Variants in FRYL observed in about 807,000 individuals in gnomAD.
The protein encoded by FRYL is protein furry homolog-like.
FRYL carries 150 observed loss-of-function variants against 351.2 expected under a neutral mutation model. The ratio of observed to expected loss-of-function variants is 0.43; its 90% confidence interval spans 0.37 to 0.49. The LOEUF is 0.49. Ranked by LOEUF, FRYL falls within the 20% of genes least tolerant of loss-of-function variation. The pLI, the probability that FRYL is intolerant of heterozygous loss-of-function variation, is 0.00. For synonymous variants in FRYL, 1,153 were observed against 1,257.1 expected (o/e 0.92, Z 1.75); for missense variants, 3,036 against 3,619.3 (o/e 0.84, Z 4.13).
intron 1 of FRYL, among the ~76,000 whole-genome samples, chr4:48,728,519 C>T (rs1276510848): frequency 6.6e-6 from 1 of 151,500 alleles, no homozygotes; most frequent in East Asian, 1.9e-4. Flanking sequence ...AACCAGATAC[C>T]CAGGAAGTTA....
intron 1 of FRYL, among the ~76,000 whole-genome samples, chr4:48,716,891 G>C (rs1391882756): frequency 6.6e-6 from 1 of 151,112 alleles, no homozygotes; most frequent in Non-Finnish European, 1.5e-5. Context: ...AACAATGATA[G>C]ACTGGATTAA....
intron 8 of FRYL, 88 bp from the exon 9 acceptor site, chr4:48,609,155 G>C (rs979138758): frequency 1.3e-6 from 1 of 765,062 alleles, no homozygotes; most frequent in African/African-American, 1.8e-5. Flanking sequence ...CCTTATCAGA[G>C]TATTGTATAA....
intron 1 of FRYL, among the ~76,000 whole-genome samples, chr4:48,759,095 G>C (rs1294472735): frequency 2.6e-5 from 4 of 152,154 alleles, no homozygotes; most frequent in African/African-American, 7.2e-5. Flanking sequence ...GTTGGGGGAA[G>C]GGGGGAGAAT....
intron 2 of FRYL, among the ~76,000 whole-genome samples, chr4:48,708,056 G>A (rs557789165): frequency 2.6e-4 from 40 of 151,900 alleles, no homozygotes; most frequent in Middle Eastern, 3.4e-3. Flanking sequence ...TTCTGACCTC[G>A]TGATCAGCCT....
chr4:48,563,083 C>T, intron 31 of FRYL, 95 bp from the exon 32 acceptor site: 1 of 765,544 alleles, frequency 1.3e-6, no homozygotes, highest in Non-Finnish European at 2.2e-6. Context: ...GGCTTATAGG[C>T]ATCTATCTTC....
intron 7 of FRYL, chr4:48,617,665 C>T (rs1749805475): frequency 1.3e-5 from 2 of 151,448 alleles, no homozygotes; most frequent in South Asian, 2.1e-4. Context: ...ACAAAGGCAA[C>T]AAGGAGGGGA....
intron 3 of FRYL, chr4:48,636,708 T>G (rs1640494431): frequency 6.6e-6 from 1 of 152,070 alleles, no homozygotes; most frequent in Non-Finnish European, 1.5e-5. Context: ...AAAAATATTT[T>G]GTTTGATAAC....
intron 1 of FRYL, among the ~76,000 whole-genome samples, chr4:48,716,828 T>C (rs2149602218): frequency 6.6e-6 from 1 of 151,532 alleles, no homozygotes; most frequent in East Asian, 1.9e-4. Flanking sequence ...CACATGTATG[T>C]TTATTGTGGC....
At chr4:48,563,131 G>A in intron 31 of FRYL, 143 bp from the exon 32 acceptor site, 1 of 562,388 alleles carries the variant, frequency 1.8e-6, no homozygotes, top group South Asian at 2.6e-5. Context: ...CAAGGCAATA[G>A]GTACAACAAC....
chr4:48,609,832 T>A lies in FRYL; in HGVS notation c.412-9A>T. 3.4e-6 allele frequency: 5 copies of A among 1,486,618 alleles called. No homozygotes were observed. In the South Asian group the frequency reaches 6.4e-5, roughly 19 times the overall value. 92.1% of individuals were successfully genotyped at this position (1,486,618 alleles called of 1,614,324 possible). On this transcript the variant is annotated splice_polypyrimidine_tract_variant and intron_variant, in intron 7 of 63. Transcript: ENST00000358350. ...ACAGGATGAACAGGAATCTAGAATT[T>A]AAAAAAATTATCAAGTAAGAGTTAA...
chr4:48,766,447 C>T (rs1774959436), intron 1 of FRYL, among the ~76,000 whole-genome samples: 1 of 152,158 alleles, frequency 6.6e-6, no homozygotes, highest in Admixed American at 6.5e-5. Flanking sequence ...GCAGAATGGG[C>T]CAGCCTGATG....
chr4:48,736,185 C>T (rs939162878), intron 1 of FRYL, among the ~76,000 whole-genome samples: 3 of 151,770 alleles, frequency 2.0e-5, no homozygotes, highest in Non-Finnish European at 4.4e-5. Context: ...AATGAAAATA[C>T]AACATCAAAA....
In FRYL at chr4:48,540,584, C is replaced by A; in HGVS notation, c.6064G>T (p.Ala2022Ser). ...ESDYEYEYLL[A>S]LRLLNKLLIH... ...AGCAGTTTGTTGAGAAGCCTGAGAG[C>A]CAGGAGGTATTCATATTCATAATCT... The change falls in exon 46 of 64, where the codon GCT becomes TCT. Residue 2022 changes from alanine (A) to serine (S), a missense_variant. Coordinates refer to ENST00000358350, the MANE Select transcript of FRYL (RefSeq NM_015030.2). The A allele has an allele frequency of 3.7e-6, 6 of 1,613,948 alleles. No homozygotes were observed. The highest frequency in any genetic ancestry group is 5.1e-6 in the Non-Finnish European group (6 of 1,179,940).
chr4:48,699,306 C>A (rs1018764767), intron 2 of FRYL, among the ~76,000 whole-genome samples: 4 of 152,102 alleles, frequency 2.6e-5, no homozygotes, highest in Non-Finnish European at 4.4e-5. Flanking sequence ...GATAACTAAA[C>A]ATAATTAACA....
chr4:48,524,871 T>C (rs1362543770), intron 53 of FRYL, among the ~76,000 whole-genome samples: 1 of 152,100 alleles, frequency 6.6e-6, no homozygotes, highest in African/African-American at 2.4e-5. Context: ...TTTAGAAATT[T>C]AAATTCTGGA....
chr4:48,544,811 C>A lies in FRYL; in HGVS notation c.5373G>T (p.Val1791=). 1 of 1,600,634 alleles carries A rather than the reference C, an allele frequency of 6.2e-7. No individual in the cohort carries two copies. The highest frequency in any genetic ancestry group is 8.5e-7 in the Non-Finnish European group (1 of 1,174,756). Residue 1791 remains valine (V), a synonymous_variant, in exon 43 of 64, where the codon GTG becomes GTT. Transcript: ENST00000358350. ...AGCTTGACTGCTTAAAAACAGAAACCACATGTTTCAAAAATGTAGTTAACT... is the reference window on the plus strand; with the variant it reads ...AGCTTGACTGCTTAAAAACAGAAACAACATGTTTCAAAAATGTAGTTAACT... ...AEQLTTFLKH[V]VSVFKQSSSE...
chr4:48,602,426 A>G (rs1419689467), intron 12 of FRYL, among the ~76,000 whole-genome samples: 1 of 152,202 alleles, frequency 6.6e-6, no homozygotes, highest in Non-Finnish European at 1.5e-5. Flanking sequence ...ATCAGATGAC[A>G]GATGGCATTA....
At chr4:48,643,790 G>C (rs1755802860) in intron 3 of FRYL, among the ~76,000 whole-genome samples, 2 of 151,958 alleles carry the variant, frequency 1.3e-5, no homozygotes, top group Admixed American at 6.6e-5. Context: ...GAAAAGCATA[G>C]GACTTCATAC....
intron 35 of FRYL, among the ~76,000 whole-genome samples, chr4:48,555,611 G>A (rs1733905924): frequency 6.6e-6 from 1 of 152,200 alleles, no homozygotes; most frequent in Admixed American, 6.5e-5. Context: ...GCCCCGAGGA[G>A]GGAATGCCTG....
Sources: gnomAD v4.1 joint callset for allele counts (sites outside exome capture counted in the v4.1 genomes callset) on GRCh38, gnomAD v4.1.1 for gene constraint, MANE v1.5 for transcripts, NCBI Gene and HGNC (gene_info 2026-07-23, HGNC 2026-07-21) for gene names.